The following IMMP2L variants were observed in gnomAD, a reference collection of about 807,000 sequenced individuals.
IMMP2L encodes the protein inner mitochondrial membrane peptidase subunit 2.
IMMP2L carries 18 observed loss-of-function variants against 19.3 expected under a neutral mutation model. The observed-to-expected ratio is 0.93, with a 90% CI of 0.64 to 1.38. The LOEUF (loss-of-function observed/expected upper bound fraction) is 1.38, where lower values mean the gene tolerates loss of function less well. Among genes scored for constraint, IMMP2L ranks in the 40% most tolerant of loss-of-function variants. The pLI is 0.00. For missense variants in IMMP2L, 233 were observed against 218.2 expected (o/e 1.07, Z -0.43); for synonymous variants, 76 against 73.0 (o/e 1.04, Z -0.21).
intron 3 of IMMP2L, among the ~76,000 whole-genome samples, chr7:111,187,035 T>C (rs1808346915): frequency 6.6e-6 from 1 of 152,130 alleles, no homozygotes; most frequent in African/African-American, 2.4e-5. Context: ...TAGGCACTTT[T>C]TCTCCATAAA....
chr7:110,919,161 A>G (rs1281985218), intron 4 of IMMP2L, among the ~76,000 whole-genome samples: 1 of 152,086 alleles, frequency 6.6e-6, no homozygotes, highest in African/African-American at 2.4e-5. Context: ...TGACTTTTGC[A>G]TGACTTTCCC....
intron 4 of IMMP2L, among the ~76,000 whole-genome samples, chr7:110,952,693 A>C (rs2129554335): frequency 6.6e-6 from 1 of 152,290 alleles, no homozygotes; most frequent in Admixed American, 6.5e-5. Flanking sequence ...TCATCCTGCT[A>C]GGCTCTGTGT....
intron 1 of IMMP2L, among the ~76,000 whole-genome samples, chr7:111,552,099 T>C (rs1391696976): frequency 1.3e-5 from 2 of 152,038 alleles, no homozygotes; most frequent in Non-Finnish European, 2.9e-5. Context: ...TGTGAGAAAC[T>C]TGAAAAAGGC....
intron 3 of IMMP2L, among the ~76,000 whole-genome samples, chr7:111,258,052 T>C (rs1224759230): frequency 6.6e-6 from 1 of 152,074 alleles, no homozygotes; most frequent in Non-Finnish European, 1.5e-5. Context: ...CTCTAAAGGA[T>C]ATTTGATTTA....
chr7:110,750,267 C>G (rs1256396839), intron 5 of IMMP2L, among the ~76,000 whole-genome samples: 1 of 150,638 alleles, frequency 6.6e-6, no homozygotes, highest in African/African-American at 2.4e-5. Context: ...TTTTTTTTGT[C>G]AATACAAAGC....
At chr7:111,303,122 C>T (rs1036865609) in intron 3 of IMMP2L, among the ~76,000 whole-genome samples, 3 of 152,136 alleles carry the variant, frequency 2.0e-5, no homozygotes, top group Non-Finnish European at 2.9e-5. Flanking sequence ...AACCCAAATG[C>T]ATTTCTAAGT....
At position 110,714,132 on chromosome 7, in the gene IMMP2L, A is replaced by G. The variant is rs540155634; in HGVS notation, c.409-50411T>C. Among the ~76,000 whole-genome samples the G allele has an allele frequency of 5.9e-5, 9 of 152,246 alleles. No individual in the cohort carries two copies. The East Asian group carries it at 1.2e-3, about 20-fold the overall frequency. On this transcript the variant is annotated intron_variant, in intron 5 of 5. Coordinates refer to ENST00000405709, the MANE Select transcript of IMMP2L (RefSeq NM_032549.4). ...GCCTAGTTTCTTCAGGGTTTTTCTCATGAAGAGATGTTGGATTTTATTGAA... is the reference window on the plus strand; with the variant it reads ...GCCTAGTTTCTTCAGGGTTTTTCTCGTGAAGAGATGTTGGATTTTATTGAA...
At chr7:111,073,297 G>C (rs1023539206) in intron 3 of IMMP2L, among the ~76,000 whole-genome samples, 1 of 151,978 alleles carries the variant, frequency 6.6e-6, no homozygotes, top group African/African-American at 2.4e-5. Context: ...AGGAGAGAGA[G>C]CAAGAATGAG....
At chr7:111,220,711 G>A (rs1166529182) in intron 3 of IMMP2L, among the ~76,000 whole-genome samples, 1 of 151,852 alleles carries the variant, frequency 6.6e-6, no homozygotes, top group East Asian at 1.9e-4. Flanking sequence ...AAGTGATCAT[G>A]GAAGTAAAGT....
At position 111,310,546 on chromosome 7, in the gene IMMP2L, C is replaced by G. The variant is rs923521453; in HGVS notation, c.239+176692G>C. 2.6e-5 allele frequency among the ~76,000 whole-genome samples: 4 copies of G among 152,200 alleles called. No homozygotes were observed. In the East Asian group the frequency reaches 7.7e-4, roughly 29 times the overall value. On this transcript the variant is annotated intron_variant, in intron 3 of 5. Transcript: ENST00000405709. ...TTTAAGCACTAATTAACACCTTCTT[C>G]TTCTACCTTTTATTAGTTCTAAGAA...
intron 5 of IMMP2L, among the ~76,000 whole-genome samples, chr7:110,869,691 T>C (rs1808349136): frequency 6.6e-6 from 1 of 151,958 alleles, no homozygotes. Flanking sequence ...AGCCAGAAAA[T>C]CTCTATTTTT....
chr7:110,896,837 C>T (rs1024307792), intron 4 of IMMP2L, among the ~76,000 whole-genome samples: 1 of 151,704 alleles, frequency 6.6e-6, no homozygotes, highest in Non-Finnish European at 1.5e-5. Context: ...GACAAGGTCT[C>T]GCTTCGTTGC....
intron 5 of IMMP2L, among the ~76,000 whole-genome samples, chr7:110,749,580 G>C (rs764271465): frequency 1.2e-4 from 18 of 152,158 alleles, no homozygotes; most frequent in Non-Finnish European, 2.4e-4. Context: ...AAAAGGATGA[G>C]TTCCTGTCCT....
At chr7:111,326,997 G>A (rs1227638870) in intron 3 of IMMP2L, among the ~76,000 whole-genome samples, 3 of 151,110 alleles carry the variant, frequency 2.0e-5, no homozygotes, top group Non-Finnish European at 3.0e-5. Context: ...TAAGGAAAAC[G>A]TAGTACATTT....
chr7:110,806,656 G>C (rs534263512), intron 5 of IMMP2L, among the ~76,000 whole-genome samples: 1 of 152,006 alleles, frequency 6.6e-6, no homozygotes, highest in East Asian at 1.9e-4. Context: ...ACACTAAAAA[G>C]GCAATTAAAA....
chr7:111,465,501 T>TAA (rs757362734), intron 3 of IMMP2L, among the ~76,000 whole-genome samples: 6,468 of 64,036 alleles, frequency 0.1, 200 homozygotes, highest in African/African-American at 0.12. Context: ...CAGGTGTCAC[T>TAA]AAAAAAAAAA....
intron 3 of IMMP2L, among the ~76,000 whole-genome samples, chr7:111,252,390 A>T (rs1189546232): frequency 1.3e-5 from 2 of 152,190 alleles, no homozygotes; most frequent in African/African-American, 4.8e-5. Flanking sequence ...GGCAGTATAA[A>T]ACGAGACCTG....
At chr7:111,109,924 A>G (rs905422672) in intron 3 of IMMP2L, among the ~76,000 whole-genome samples, 1 of 152,182 alleles carries the variant, frequency 6.6e-6, no homozygotes, top group African/African-American at 2.4e-5. Context: ...TCACAAGGTC[A>G]GGAGTTCAAG....
chr7:111,303,635 A>G (rs1388942599), intron 3 of IMMP2L, among the ~76,000 whole-genome samples: 1 of 152,148 alleles, frequency 6.6e-6, no homozygotes, highest in Non-Finnish European at 1.5e-5. Flanking sequence ...TCCATATGTC[A>G]GAAATAATAA....
Sources: allele counts gnomAD v4.1 joint callset (sites outside exome capture counted in the v4.1 genomes callset), GRCh38; gene constraint gnomAD v4.1.1; transcripts MANE v1.5; gene names NCBI Gene and HGNC (gene_info 2026-07-23, HGNC 2026-07-21).